Variants in SMURF2 observed in about 807,000 individuals in gnomAD.
SMURF2 encodes SMAD specific E3 ubiquitin protein ligase 2, also known as E3 ubiquitin-protein ligase SMURF2.
Under a neutral mutation model 109.6 loss-of-function variants are expected in SMURF2, and 48 were observed. That is an observed-to-expected ratio of 0.44 (90% CI 0.35 to 0.56). SMURF2 has a LOEUF of 0.56. SMURF2 is among the 20% of genes least tolerant of loss of function. SMURF2 has a pLI of 0.01. For missense variants in SMURF2, 575 were observed against 909.0 expected (o/e 0.63, Z 4.72); for synonymous variants, 288 against 317.1 (o/e 0.91, Z 0.97).
intron 1 of SMURF2, among the ~76,000 whole-genome samples, chr17:64,660,289 G>A (rs535290139): frequency 1.4e-4 from 22 of 151,994 alleles, no homozygotes; most frequent in South Asian, 4.2e-4. Flanking sequence ...TTCTTTCCAC[G>A]ATCACTGACT....
At position 64,633,169 on chromosome 17, in the gene SMURF2, C is replaced by T. The variant is rs530177872; in HGVS notation, c.53-26529G>A. Among the ~76,000 whole-genome samples the T allele has an allele frequency of 3.0e-4, 46 of 152,280 alleles. 1 individual carries two copies. In the South Asian group the frequency reaches 5.6e-3, roughly 19 times the overall value. On this transcript the variant is annotated intron_variant, in intron 1 of 18. Transcript: ENST00000262435. ...CCTATAGTCCCAGCTACTTGGGAGG[C>T]TGAAGTGGGAGGATGGCTTGAGCCC...
At chr17:64,619,267 A>G (rs1168398660) in intron 1 of SMURF2, among the ~76,000 whole-genome samples, 2 of 152,030 alleles carry the variant, frequency 1.3e-5, no homozygotes, top group Non-Finnish European at 2.9e-5. Flanking sequence ...TCATGAGATC[A>G]GGAGATCGAG....
At chr17:64,548,606 T>TC (rs1203853606) in intron 16 of SMURF2, among the ~76,000 whole-genome samples, 4 of 152,160 alleles carry the variant, frequency 2.6e-5, no homozygotes, top group Non-Finnish European at 4.4e-5. Flanking sequence ...CAGGCTGGTC[T>TC]CCAACTCCTG....
Position 64,662,000 on chromosome 17 carries a change from C to A in SMURF2, c.-120G>T. The A allele has an allele frequency of 9.0e-7, 1 of 1,110,736 alleles. No homozygotes were observed. Among genetic ancestry groups the A allele is most frequent in the Non-Finnish European group, 1.1e-6 (1 of 911,056 alleles). The allele number at this position is 1,110,736 out of a possible 1,614,324, so 68.8% of individuals were successfully genotyped here. A position where few individuals can be genotyped will look rare whatever the true frequency, so the allele number is the denominator to read the frequency against. ...GCAGCCGGCGCCTCGGCCGCCACGG[C>A]CGGAGGGTCCCGGATGTGCCGAGAG... is the stretch of plus-strand genomic sequence containing the variant. On this transcript the variant is annotated 5_prime_UTR_variant, in exon 1 of 19. Coordinates refer to ENST00000262435, the MANE Select transcript of SMURF2 (RefSeq NM_022739.4).
At chr17:64,648,232 C>T (rs1970588051) in intron 1 of SMURF2, among the ~76,000 whole-genome samples, 1 of 152,018 alleles carries the variant, frequency 6.6e-6, no homozygotes. Flanking sequence ...AATCCAGCAA[C>T]AGATTTTATT....
chr17:64,599,687 T>C (rs1401743588), intron 2 of SMURF2, among the ~76,000 whole-genome samples: 2 of 152,214 alleles, frequency 1.3e-5, no homozygotes, highest in African/African-American at 2.4e-5. Context: ...GCGCTCCTTA[T>C]GAGAATCTAA....
rs528846422 is a variant in SMURF2, at chr17:64,588,381, G to A, written c.401-2211C>T. Among the ~76,000 whole-genome samples, 12 of 151,846 alleles carry A rather than the reference G, an allele frequency of 7.9e-5. No individual in the cohort carries two copies. In the South Asian group the frequency reaches 2.5e-3, roughly 31 times the overall value. ...GCAAAGTGTACAAAAATATTTGCAAGTTTCAATGTTATAATAGCAAAAAAA... is the reference window on the plus strand; with the variant it reads ...GCAAAGTGTACAAAAATATTTGCAAATTTCAATGTTATAATAGCAAAAAAA... On this transcript the variant is annotated intron_variant, in intron 5 of 18. Transcript: ENST00000262435.
intron 1 of SMURF2, among the ~76,000 whole-genome samples, chr17:64,621,990 A>T (rs1279736150): frequency 5.4e-5 from 8 of 147,222 alleles, no homozygotes; most frequent in African/African-American, 2.0e-4. Flanking sequence ...AATAATAAAA[A>T]AAAGCACTGT....
chr17:64,604,688 A>T (rs1969945215), intron 2 of SMURF2, among the ~76,000 whole-genome samples: 2 of 152,068 alleles, frequency 1.3e-5, no homozygotes, highest in Non-Finnish European at 2.9e-5. Flanking sequence ...GTTCATGTCT[A>T]TAATCCCAGC....
In SMURF2 at chr17:64,613,672, CAGTGTGTG is replaced by C. The variant is rs1316064316; in HGVS notation, c.53-7040_53-7033del. ...CATGGAAGACAAGTTTTCCACGGAC[CAGTGTGTG>C]TGTGTGTGTGTGTGTGTGTGTGTGT... On this transcript the variant is annotated intron_variant, in intron 1 of 18. Transcript: ENST00000262435. Among the ~76,000 whole-genome samples the C allele has an allele frequency of 3.0e-4, 16 of 53,722 alleles. 1 individual carries two copies. The highest frequency in any genetic ancestry group is 1.0e-3 in the African/African-American group (14 of 13,520). The allele number at this position is 53,722 out of a possible 152,430, so 35.2% of individuals were successfully genotyped here.
At chr17:64,635,806 A>G (rs1375619779) in intron 1 of SMURF2, among the ~76,000 whole-genome samples, 3 of 152,184 alleles carry the variant, frequency 2.0e-5, no homozygotes, top group African/African-American at 7.2e-5. Context: ...TTGTGTGAAC[A>G]TATGTTTTCA....
chr17:64,562,891 T>C lies in SMURF2; in HGVS notation c.1092A>G (p.Thr364=). ...CCAGGTCTCGCTTGTACCTTGGGAC[T>C]GTCAGGCATTCTGTGTCATCAGGAC... ...SLCPDDTECL[T]VPRYKRDLVQ... The change falls in exon 11 of 19, where the codon ACA becomes ACG. Residue 364 remains threonine (T), a synonymous_variant. Transcript: ENST00000262435. 1 of 1,614,234 alleles carries C rather than the reference T, an allele frequency of 6.2e-7. No individual in the cohort carries two copies. Among genetic ancestry groups the C allele is most frequent in the South Asian group, 1.1e-5 (1 of 91,090 alleles).
chr17:64,571,393 G>A (rs146144851), intron 10 of SMURF2, among the ~76,000 whole-genome samples: 13 of 151,408 alleles, frequency 8.6e-5, no homozygotes, highest in African/African-American at 3.2e-4. Flanking sequence ...AATTATAACT[G>A]ATGAAAGTAG....
intron 1 of SMURF2, among the ~76,000 whole-genome samples, chr17:64,624,993 T>A (rs1272897726): frequency 6.6e-6 from 1 of 152,156 alleles, no homozygotes; most frequent in Non-Finnish European, 1.5e-5. Context: ...CCACATCCAG[T>A]ATGAGCCAGT....
chr17:64,641,436 T>A (rs1970492064), intron 1 of SMURF2, among the ~76,000 whole-genome samples: 1 of 152,212 alleles, frequency 6.6e-6, no homozygotes. Context: ...TCTTTGAAAC[T>A]TCTTCTATCA....
At chr17:64,554,706 TAATAA>T (rs534572921) in intron 15 of SMURF2, 145 bp downstream of exon 15, 1 of 672,968 alleles carries the variant, frequency 1.5e-6, no homozygotes, top group Non-Finnish European at 2.4e-6. Context: ...TTGTGAGAAA[TAATAA>T]AATGTCTGTT....
intron 15 of SMURF2, among the ~76,000 whole-genome samples, chr17:64,553,415 A>G (rs1969074030): frequency 6.6e-6 from 1 of 152,018 alleles, no homozygotes; most frequent in African/African-American, 2.4e-5. Flanking sequence ...CTGAGGCAGG[A>G]GAATCACTTG....
At chr17:64,644,270 C>T (rs896641045) in intron 1 of SMURF2, among the ~76,000 whole-genome samples, 1 of 152,028 alleles carries the variant, frequency 6.6e-6, no homozygotes, top group Non-Finnish European at 1.5e-5. Context: ...TAAGCCACCG[C>T]GCCCAGCCTC....
intron 1 of SMURF2, among the ~76,000 whole-genome samples, chr17:64,617,811 C>A (rs1970145984): frequency 6.6e-6 from 1 of 152,110 alleles, no homozygotes; most frequent in Non-Finnish European, 1.5e-5. Flanking sequence ...CCACTCATAT[C>A]AAACAACTTT....
Sources: gnomAD v4.1 joint callset for allele counts (sites outside exome capture counted in the v4.1 genomes callset) on GRCh38, gnomAD v4.1.1 for gene constraint, MANE v1.5 for transcripts, NCBI Gene and HGNC (gene_info 2026-07-23, HGNC 2026-07-21) for gene names.